BABAM2: variants seen among roughly 807,000 people sequenced by gnomAD.
BABAM2 encodes BRISC and BRCA1-A complex member 2.
A neutral mutation model predicts 54.7 loss-of-function variants in BABAM2; 31 were observed. The ratio of observed to expected loss-of-function variants is 0.57; its 90% CI spans 0.43 to 0.77. The LOEUF (loss-of-function observed/expected upper bound fraction) is 0.77. Ranked by LOEUF, BABAM2 falls within the 30% of genes least tolerant of loss-of-function variation. The pLI is 0.00. For missense variants in BABAM2, 364 were observed against 455.8 expected (o/e 0.80, Z 1.83); for synonymous variants, 167 against 162.9 (o/e 1.03, Z -0.19).
chr2:27,894,302 C>T (rs1205862681), intron 1 of BABAM2, among the ~76,000 whole-genome samples: 1 of 152,152 alleles, frequency 6.6e-6, no homozygotes, highest in Non-Finnish European at 1.5e-5. Flanking sequence ...AATTGTATTT[C>T]AGGAGTTCCT....
intron 10 of BABAM2, among the ~76,000 whole-genome samples, chr2:28,271,048 C>A (rs1005478565): frequency 6.6e-6 from 1 of 152,170 alleles, no homozygotes; most frequent in Non-Finnish European, 1.5e-5. Flanking sequence ...CTTGGAGAAA[C>A]AAAAGGCTAT....
At chr2:28,096,638 C>T (rs1437480657) in intron 6 of BABAM2, among the ~76,000 whole-genome samples, 1 of 152,074 alleles carries the variant, frequency 6.6e-6, no homozygotes, top group African/African-American at 2.4e-5. Flanking sequence ...TAGAACATTC[C>T]ATTATGTTAA....
chr2:28,076,100 C>T (rs1664633926), intron 6 of BABAM2, among the ~76,000 whole-genome samples: 1 of 151,820 alleles, frequency 6.6e-6, no homozygotes, highest in Admixed American at 6.6e-5. Context: ...CCTGTCTCTA[C>T]AACAAAAAAT....
At chr2:28,132,865 A>G (rs1411428013) in intron 7 of BABAM2, among the ~76,000 whole-genome samples, 4 of 152,254 alleles carry the variant, frequency 2.6e-5, no homozygotes, top group Admixed American at 2.0e-4. Context: ...GTTGAGGAAC[A>G]AGTCTTTTTT....
chr2:28,173,365 C>T (rs1050100825), intron 7 of BABAM2, among the ~76,000 whole-genome samples: 30 of 152,200 alleles, frequency 2.0e-4, no homozygotes, highest in African/African-American at 7.2e-4. Context: ...GTAGTCCAAG[C>T]CTTTAGGCCT....
intron 7 of BABAM2, among the ~76,000 whole-genome samples, chr2:28,167,546 T>G (rs1673820129): frequency 6.6e-6 from 1 of 151,820 alleles, no homozygotes; most frequent in South Asian, 2.1e-4. Flanking sequence ...ATACAAAAAT[T>G]AGCCAGACAT....
intron 3 of BABAM2, among the ~76,000 whole-genome samples, chr2:27,979,247 T>C (rs1671829204): frequency 6.6e-6 from 1 of 151,990 alleles, no homozygotes; most frequent in Non-Finnish European, 1.5e-5. Flanking sequence ...TTAACCAGGC[T>C]GGTCTCGAAC....
chr2:27,958,314 T>C (rs1365235934), intron 3 of BABAM2, among the ~76,000 whole-genome samples: 1 of 151,654 alleles, frequency 6.6e-6, no homozygotes, highest in South Asian at 2.1e-4. Flanking sequence ...AGCAGAGATA[T>C]AGAGGTTAAG....
chr2:28,299,536 A>G (rs1558511413), intron 11 of BABAM2, among the ~76,000 whole-genome samples: 4 of 152,188 alleles, frequency 2.6e-5, no homozygotes, highest in Non-Finnish European at 5.9e-5. Context: ...AAAGTATCAC[A>G]CAAATATAGA....
At chr2:28,089,233 C>A (rs1263456980) in intron 6 of BABAM2, among the ~76,000 whole-genome samples, 9 of 152,106 alleles carry the variant, frequency 5.9e-5, no homozygotes, top group Non-Finnish European at 1.0e-4. Flanking sequence ...TGTGATCAAA[C>A]CAACATCCAC....
At chr2:28,316,341 C>T (rs941237254) in intron 11 of BABAM2, among the ~76,000 whole-genome samples, 1 of 147,640 alleles carries the variant, frequency 6.8e-6, no homozygotes, top group African/African-American at 2.5e-5. Flanking sequence ...TGGGTAGAGA[C>T]ATCAAATCTA....
At chr2:28,292,845 C>T (rs1296338622) in intron 10 of BABAM2, among the ~76,000 whole-genome samples, 1 of 152,234 alleles carries the variant, frequency 6.6e-6, no homozygotes, top group Non-Finnish European at 1.5e-5. Flanking sequence ...CACTGTCAGA[C>T]TCTGGGGTGA....
intron 2 of BABAM2, chr2:27,896,437 C>G (rs1665330581): frequency 6.5e-6 from 1 of 152,768 alleles, no homozygotes; most frequent in South Asian, 2.0e-4. Context: ...TCCCATCTCT[C>G]TCCACTTAGG....
chr2:27,913,459 T>C (rs185507995), intron 2 of BABAM2, among the ~76,000 whole-genome samples: 3 of 152,304 alleles, frequency 2.0e-5, no homozygotes, highest in Non-Finnish European at 2.9e-5. Flanking sequence ...TGTTAGATAA[T>C]TGGAGATACT....
chr2:28,057,281 T>C (rs1190310381), intron 6 of BABAM2, among the ~76,000 whole-genome samples: 3 of 152,244 alleles, frequency 2.0e-5, no homozygotes, highest in African/African-American at 7.2e-5. Context: ...CCATACTTCC[T>C]TGTCTTACTA....
At chr2:28,175,881 G>A (rs1389849174) in intron 7 of BABAM2, among the ~76,000 whole-genome samples, 1 of 152,158 alleles carries the variant, frequency 6.6e-6, no homozygotes, top group African/African-American at 2.4e-5. Flanking sequence ...GGCTCACATG[G>A]TGTCCCCATC....
chr2:28,031,775 A>G (rs1676309483), intron 5 of BABAM2, among the ~76,000 whole-genome samples: 1 of 152,208 alleles, frequency 6.6e-6, no homozygotes, highest in Non-Finnish European at 1.5e-5. Context: ...CAACTGAGCT[A>G]GACCCTGAAG....
chr2:28,038,849 G>A (rs1676862383), intron 5 of BABAM2, among the ~76,000 whole-genome samples: 1 of 152,204 alleles, frequency 6.6e-6, no homozygotes, highest in Non-Finnish European at 1.5e-5. Context: ...AAACATATAA[G>A]TGGAGGTGTC....
intron 6 of BABAM2, among the ~76,000 whole-genome samples, chr2:28,052,892 A>C (rs907428411): frequency 6.6e-6 from 1 of 152,140 alleles, no homozygotes; most frequent in African/African-American, 2.4e-5. Flanking sequence ...AGGATTTTGC[A>C]TTCCCTGCAC....
Sources: gnomAD v4.1 joint callset for allele counts (sites outside exome capture counted in the v4.1 genomes callset) on GRCh38, gnomAD v4.1.1 for gene constraint, MANE v1.5 for transcripts, NCBI Gene and HGNC (gene_info 2026-07-23, HGNC 2026-07-21) for gene names.